ECE1: variants seen among roughly 807,000 people sequenced by gnomAD.
ECE1 encodes the protein endothelin-converting enzyme 1.
Under a neutral mutation model 98.6 loss-of-function variants are expected in ECE1, and 35 were observed. The observed-to-expected ratio is 0.35, with a 90% CI of 0.27 to 0.47. The LOEUF (loss-of-function observed/expected upper bound fraction) is 0.47. ECE1 is among the 20% of genes least tolerant of loss of function. The pLI is 1.00. For synonymous variants in ECE1, 394 were observed against 407.1 expected (o/e 0.97, Z 0.39); for missense variants, 814 against 1,025.3 (o/e 0.79, Z 2.81).
At chr1:21,265,067 C>T (rs990714359) in intron 4 of ECE1, among the ~76,000 whole-genome samples, 3 of 152,200 alleles carry the variant, frequency 2.0e-5, no homozygotes, top group Non-Finnish European at 4.4e-5. Context: ...TATTTGTTTA[C>T]TGTCTGTCTT....
At position 21,220,771 on chromosome 1, in the gene ECE1, G is replaced by A. The variant is rs1057378447; in HGVS notation, c.2137-640C>T. Reference sequence around the variant, plus strand: ...AGATCACACCATTGCACTCCAGGCCGGGTGACTGAGGGAGACTCCGGCTCC... The same window carrying A: ...AGATCACACCATTGCACTCCAGGCCAGGTGACTGAGGGAGACTCCGGCTCC... On this transcript the variant is annotated intron_variant, in intron 18 of 18. Transcript: ENST00000374893. This position sits in a 1 kb window ranked among gnomAD's most constrained non-coding sequence, Gnocchi z 5.0. 6.6e-6 allele frequency among the ~76,000 whole-genome samples: 1 copy of A among 152,072 alleles called. No individual in the cohort carries two copies. Among genetic ancestry groups the A allele is most frequent in the Non-Finnish European group, 1.5e-5 (1 of 68,014 alleles).
chr1:21,257,626 T>C (rs373302545), intron 6 of ECE1, 36 bp from the exon 7 acceptor site: 305 of 1,609,984 alleles, frequency 1.9e-4, no homozygotes, highest in Non-Finnish European at 2.5e-4. Flanking sequence ...GGAATTCGTG[T>C]TGCAATGCGT....
At chr1:21,278,255 C>T (rs2098249774) in intron 3 of ECE1, among the ~76,000 whole-genome samples, 1 of 152,238 alleles carries the variant, frequency 6.6e-6, no homozygotes, top group Admixed American at 6.5e-5. Flanking sequence ...TCCACCCCTT[C>T]GCACTTCTTA....
At chr1:21,237,724 C>T (rs567160014) in intron 11 of ECE1, among the ~76,000 whole-genome samples, 3 of 152,266 alleles carry the variant, frequency 2.0e-5, no homozygotes, top group South Asian at 4.1e-4. Flanking sequence ...GAGCTTAGGC[C>T]GGGCTGTCTC....
chr1:21,241,951 C>A (rs1198721466), intron 10 of ECE1, among the ~76,000 whole-genome samples: 1 of 152,164 alleles, frequency 6.6e-6, no homozygotes, highest in Non-Finnish European at 1.5e-5. Flanking sequence ...CCTCCTCCAC[C>A]CTGACCTGGC....
intron 17 of ECE1, chr1:21,222,185 C>T (rs577185652): frequency 8.4e-5 from 29 of 345,660 alleles, no homozygotes; most frequent in Non-Finnish European, 1.6e-4. Context: ...CACACACACA[C>T]ACATACACAC....
In ECE1 at chr1:21,340,842, T is replaced by C. The variant is rs116631204; in HGVS notation, c.3+4534A>G. ...GCAAGACTATGTCTCAATAAATAAG[T>C]AAATTAATTAAATTTAAAAAATAAA... is the stretch of plus-strand genomic sequence containing the variant. On this transcript the variant is annotated intron_variant, in intron 1 of 18. Coordinates refer to the ECE1 transcript ENST00000415912. The surrounding 1 kb of genome is among the most constrained non-coding windows in gnomAD (Gnocchi z 4.6). 1.2e-3 allele frequency among the ~76,000 whole-genome samples: 179 copies of C among 152,164 alleles called. No individual in the cohort carries two copies. Among genetic ancestry groups the C allele is most frequent in the African/African-American group, 4.2e-3 (173 of 41,474 alleles).
rs115137945 is a variant in ECE1 at position 21,227,021 on chromosome 1, G to A, written c.1849+138C>T. ...TTACAGGCATAATCCATCATGCACA[G>A]CCTAATTTTTTTTTTAGTAGAGATG... On this transcript the variant is annotated intron_variant, in intron 16 of 18. Transcript: ENST00000374893. 2,997 of 811,258 alleles carry A rather than the reference G, an allele frequency of 3.7e-3. 15 individuals carry two copies. Among genetic ancestry groups the A allele is most frequent in the South Asian group, 4.7e-3 (330 of 69,826 alleles). The allele number at this position is 811,258 out of a possible 1,614,324, so 50.3% of individuals were successfully genotyped here. A position where few individuals can be genotyped will look rare whatever the true frequency, so the allele number is the denominator to read the frequency against.
At chr1:21,287,507 C>G (rs779906242) in intron 2 of ECE1, among the ~76,000 whole-genome samples, 2 of 152,162 alleles carry the variant, frequency 1.3e-5, no homozygotes, top group Non-Finnish European at 2.9e-5. Context: ...GCCTCTACAA[C>G]AGAGAGAGAC....
rs867004120 is a variant in ECE1, at chr1:21,264,766, T to A, written c.494-4374A>T. On this transcript the variant is annotated intron_variant, in intron 4 of 18. Coordinates refer to ENST00000374893, the MANE Select transcript of ECE1 (RefSeq NM_001397.3). ...AATAGCAACAGACATCCAGAGTACC[T>A]GTGGCATTAACATTTCATGGAGGCG... Among the ~76,000 whole-genome samples the A allele has an allele frequency of 1.4e-4, 21 of 152,338 alleles. 1 individual carries two copies. The Middle Eastern group carries it at 0.031, about 222-fold the overall frequency.
intron 9 of ECE1, among the ~76,000 whole-genome samples, chr1:21,246,513 AAGAAAAG>A (rs1365304366): frequency 6.8e-6 from 1 of 146,682 alleles, no homozygotes; most frequent in African/African-American, 2.6e-5. Flanking sequence ...AAAAAAAAAA[AAGAAAAG>A]AAAAGAAAGA....
chr1:21,290,149 G>T lies in ECE1; in HGVS notation c.59C>A (p.Thr20Lys). Reference protein sequence around the residue: ...SALLSALGMSTYKRATLDEED... With the variant: ...SALLSALGMSKYKRATLDEED... Reference sequence around the variant, plus strand: ...CTCGTCCAGCGTGGCCCGCTTGTACGTCGACATCTGCAAGGCCAAATGCAG... The same window carrying T: ...CTCGTCCAGCGTGGCCCGCTTGTACTTCGACATCTGCAAGGCCAAATGCAG... The change falls in exon 2 of 19, where the codon ACG (threonine) becomes AAG (lysine). Residue 20 changes from threonine (T) to lysine (K), a missense_variant. By Grantham distance (78) the Thr-to-Lys change is moderately conservative. Around this residue, in one of 3 missense-constraint regions of ECE1, gnomAD observed 257 missense variants for 278.9 expected, o/e 0.92. Transcript: ENST00000374893. The surrounding 1 kb of genome is among the most constrained non-coding windows in gnomAD (Gnocchi z 7.3). 1 of 1,566,180 alleles carries T rather than the reference G, an allele frequency of 6.4e-7. No individual in the cohort carries two copies.
chr1:21,248,259 C>T (rs1410762250), intron 8 of ECE1, among the ~76,000 whole-genome samples: 2 of 152,082 alleles, frequency 1.3e-5, no homozygotes, highest in Non-Finnish European at 2.9e-5. Context: ...TAACCTCTGC[C>T]TCCAGGGTTC....
chr1:21,221,868 A>C, intron 17 of ECE1, 26 bp from the exon 18 acceptor site: 139 of 1,606,740 alleles, frequency 8.7e-5, no homozygotes, highest in Non-Finnish European at 1.0e-4. Flanking sequence ...ACCAAAGCTC[A>C]GGGGTTCCCA....
intron 9 of ECE1, among the ~76,000 whole-genome samples, chr1:21,246,155 C>T (rs1360183097): frequency 3.3e-5 from 5 of 151,954 alleles, no homozygotes; most frequent in South Asian, 4.2e-4. Context: ...AAGTTAAATA[C>T]GATAAATTTT....
chr1:21,314,330 C>G (rs1031924839), intron 1 of ECE1, among the ~76,000 whole-genome samples: 1 of 152,222 alleles, frequency 6.6e-6, no homozygotes, highest in African/African-American at 2.4e-5. Flanking sequence ...TCCCAAACCC[C>G]CTCCCGGGCC....
chr1:21,245,018 A>G lies in ECE1; in HGVS notation c.1249T>C (p.Phe417Leu), dbSNP rs775232546. The G allele has an allele frequency of 1.9e-6, 3 of 1,614,086 alleles. No homozygotes were observed. The highest frequency in any genetic ancestry group is 2.5e-6 in the Non-Finnish European group (3 of 1,179,992). The change falls in exon 10 of 19, where the codon TTC (phenylalanine) becomes CTC (leucine). Residue 417 changes from phenylalanine to leucine, a missense_variant. Phe to Leu is a conservative substitution (Grantham distance 22). Coordinates refer to ENST00000374893, the MANE Select transcript of ECE1 (RefSeq NM_001397.3). ...TTGGTCCCGTACATGACTTCCATGA[A>G]CTTCTCATCGGCGTCCTGAAAGCGC... is the stretch of plus-strand genomic sequence containing the variant. ...DQRFQDADEK[F>L]MEVMYGTKKT... is the part of the protein sequence containing the mutation.
intron 4 of ECE1, among the ~76,000 whole-genome samples, chr1:21,269,553 G>A (rs1292672119): frequency 1.3e-5 from 2 of 152,208 alleles, no homozygotes; most frequent in Admixed American, 1.3e-4. Flanking sequence ...CCTCTCTGCA[G>A]TCATACAGCT....
rs1018507990 is a variant in ECE1 at position 21,243,046 on chromosome 1, T to C, written c.1278+1943A>G. On this transcript the variant is annotated intron_variant, in intron 10 of 18. Transcript: ENST00000374893. ...CAGCCCTTGGCAACCACAGGGAAGC[T>C]TGACCTTAACTTTTGGTTCCTGCAG... Among the ~76,000 whole-genome samples the C allele has an allele frequency of 2.6e-5, 4 of 152,358 alleles. No individual in the cohort carries two copies. In the East Asian group the frequency reaches 5.8e-4, roughly 22 times the overall value.
Sources: allele counts gnomAD v4.1 joint callset (sites outside exome capture counted in the v4.1 genomes callset), GRCh38; gene constraint gnomAD v4.1.1; regional missense constraint gnomAD v4.1.1; non-coding constraint Gnocchi (gnomAD v3.1); transcripts MANE v1.5; gene names NCBI Gene and HGNC (gene_info 2026-07-23, HGNC 2026-07-21).